Variants in CNBP observed in about 807,000 individuals in gnomAD.
The protein encoded by CNBP is cellular nucleic acid-binding protein.
In CNBP, 6 loss-of-function variants were observed where a neutral mutation model predicts 21.2. The ratio of observed to expected loss-of-function variants is 0.28; its 90% confidence interval spans 0.16 to 0.56. The LOEUF is 0.56. CNBP is among the 20% of genes least tolerant of loss of function. CNBP has a pLI of 0.93. For synonymous variants in CNBP, 61 were observed against 74.9 expected, an observed-to-expected ratio of 0.81 and a Z score of 0.96; for missense variants, 112 against 233.1, an observed-to-expected ratio of 0.48 and a Z score of 3.38.
chr3:129,173,093 G>A (rs1560035674), intron 1 of CNBP, among the ~76,000 whole-genome samples: 2 of 152,150 alleles, frequency 1.3e-5, no homozygotes, highest in African/African-American at 4.8e-5. Context: ...TGCATCCATG[G>A]CTTCAACCAA....
chr3:129,171,793 A>G, intron 1 of CNBP, 22 bp from the exon 2 acceptor site: 1 of 1,602,482 alleles, frequency 6.2e-7, no homozygotes, highest in African/African-American at 1.3e-5. Flanking sequence ...TAAAAGTAAC[A>G]GCATTAAACC....
intron 1 of CNBP, among the ~76,000 whole-genome samples, chr3:129,177,887 G>C (rs994980753): frequency 1.4e-4 from 21 of 152,120 alleles, no homozygotes; most frequent in Admixed American, 1.1e-3. Flanking sequence ...GGGCCGGGCG[G>C]GGTGGCCCAC....
intron 1 of CNBP, among the ~76,000 whole-genome samples, chr3:129,172,133 T>C (rs1202402056): frequency 6.6e-6 from 1 of 152,008 alleles, no homozygotes; most frequent in Non-Finnish European, 1.5e-5. Flanking sequence ...ATGGTGCCAC[T>C]GTACTCCAGC....
intron 1 of CNBP, among the ~76,000 whole-genome samples, chr3:129,172,564 A>T (rs1047982589): frequency 3.3e-5 from 5 of 149,918 alleles, no homozygotes; most frequent in African/African-American, 1.3e-4. Flanking sequence ...CCTAGGGGAC[A>T]AAGTGAGACA....
chr3:129,176,812 A>C (rs1937935860), intron 1 of CNBP, among the ~76,000 whole-genome samples: 1 of 152,194 alleles, frequency 6.6e-6, no homozygotes, highest in Non-Finnish European at 1.5e-5. Context: ...GGACATTCCC[A>C]ATGTAATTTT....
At position 129,171,129 on chromosome 3, in the gene CNBP, A is replaced by G; in HGVS notation, c.366T>C (p.Cys122=). Residue 122 remains cysteine (C), a synonymous_variant, in exon 4 of 5, where the codon TGT becomes TGC. Transcript: ENST00000422453. The part of the protein sequence containing the change: ...DHADEQKCYS[C]GEFGHIQKDC... The stretch of plus-strand genomic sequence containing the variant: ...CTTTTTGAATGTGTCCGAATTCTCC[A>G]CAAGAATAGCATTTCTGCTCATCTG... 1 of 1,614,202 alleles carries G rather than the reference A, an allele frequency of 6.2e-7. No homozygotes were observed. Among genetic ancestry groups the G allele is most frequent in the Non-Finnish European group, 8.5e-7 (1 of 1,180,040 alleles).
intron 1 of CNBP, among the ~76,000 whole-genome samples, chr3:129,175,426 G>A (rs941531510): frequency 6.0e-5 from 7 of 115,928 alleles, no homozygotes; most frequent in Non-Finnish European, 1.0e-4. Context: ...AGTTTTAGAT[G>A]TTTTGCTTTT....
chr3:129,175,921 G>A (rs1436727291), intron 1 of CNBP, among the ~76,000 whole-genome samples: 2 of 152,122 alleles, frequency 1.3e-5, no homozygotes, highest in African/African-American at 4.8e-5. Context: ...CCTCCCTTTG[G>A]CTAACCCTAT....
intron 1 of CNBP, among the ~76,000 whole-genome samples, chr3:129,173,976 T>G (rs1476041361): frequency 6.6e-6 from 1 of 152,186 alleles, no homozygotes; most frequent in African/African-American, 2.4e-5. Flanking sequence ...ATTTAGTGAC[T>G]TAAAATTACA....
In CNBP at chr3:129,171,621, T is replaced by C. The variant is rs1299173586; in HGVS notation, c.124+13A>G. Reference sequence around the variant, plus strand: ...TACTGAAGTACTTCAAATTTTTCTATTCGACAAAATACCTCTATCCGAGGT... The same window carrying C: ...TACTGAAGTACTTCAAATTTTTCTACTCGACAAAATACCTCTATCCGAGGT... On this transcript the variant is annotated intron_variant, in intron 2 of 4. Transcript: ENST00000422453. 6.2e-7 allele frequency: 1 copy of C among 1,614,078 alleles called. No homozygotes were observed. The highest frequency in any genetic ancestry group is 2.2e-5 in the East Asian group (1 of 44,890).
chr3:129,179,434 A>C (rs956396944), intron 1 of CNBP, among the ~76,000 whole-genome samples: 1 of 152,160 alleles, frequency 6.6e-6, no homozygotes, highest in Non-Finnish European at 1.5e-5. Flanking sequence ...ACCTTGGTTA[A>C]TTACATCCAT....
At chr3:129,179,337 C>T (rs1386503054) in intron 1 of CNBP, among the ~76,000 whole-genome samples, 1 of 152,106 alleles carries the variant, frequency 6.6e-6, no homozygotes, top group Non-Finnish European at 1.5e-5. Flanking sequence ...TCTGTATTAC[C>T]TGCATTCCAG....
At chr3:129,170,644 A>G (rs1937550822) in intron 4 of CNBP, 74 bp from the exon 5 acceptor site, 2 of 1,110,914 alleles carry the variant, frequency 1.8e-6, no homozygotes, top group Non-Finnish European at 2.8e-6. Flanking sequence ...GTCACCATGC[A>G]GAACAAAACG....
intron 4 of CNBP, 89 bp downstream of exon 4, chr3:129,170,990 A>G: frequency 2.2e-6 from 3 of 1,370,624 alleles, no homozygotes; most frequent in Admixed American, 2.1e-5. Flanking sequence ...GTTTCACTGA[A>G]TTTACTAAGG....
intron 1 of CNBP, among the ~76,000 whole-genome samples, chr3:129,179,970 C>G (rs551502378): frequency 4.6e-5 from 7 of 152,124 alleles, no homozygotes; most frequent in Non-Finnish European, 2.9e-5. Context: ...CCTGCCATTG[C>G]ACTCCCGCCT....
chr3:129,171,289 AG>A lies in CNBP; in HGVS notation c.218-13del. The A allele has an allele frequency of 1.2e-6, 2 of 1,614,148 alleles. No individual in the cohort carries two copies. The highest frequency in any genetic ancestry group is 1.7e-6 in the Non-Finnish European group (2 of 1,179,974). On this transcript the variant is annotated splice_polypyrimidine_tract_variant and intron_variant, in intron 3 of 4. Transcript: ENST00000422453. ...GCAGTTATAGCAGGCTTCAACAATA[AG>A]GAAAAGAAACAGGCCAAGACTATAA...
In CNBP at chr3:129,169,332, AAC is replaced by A. The variant is rs988891447; in HGVS notation, c.*1119_*1120del. Reference sequence around the variant, plus strand: ...ACCACCAAAAAACCTGTTCAGACTGAACACAGAACTCAAGGGCATTATTATAA... The same window carrying A: ...ACCACCAAAAAACCTGTTCAGACTGAACAGAACTCAAGGGCATTATTATAA... On this transcript the variant is annotated 3_prime_UTR_variant, in exon 5 of 5. Coordinates refer to ENST00000422453, the MANE Select transcript of CNBP (RefSeq NM_003418.5). 8.5e-5 allele frequency among the ~76,000 whole-genome samples: 13 copies of A among 152,196 alleles called. No homozygotes were observed. The highest frequency in any genetic ancestry group is 2.9e-4 in the African/African-American group (12 of 41,452).
intron 1 of CNBP, 27 bp from the exon 2 acceptor site, chr3:129,171,798 T>G (rs1937573790): frequency 6.3e-7 from 1 of 1,584,862 alleles, no homozygotes; most frequent in East Asian, 2.2e-5. Flanking sequence ...GTAACAGCAT[T>G]AAACCACTGA....
At chr3:129,172,584 G>C (rs551116088) in intron 1 of CNBP, among the ~76,000 whole-genome samples, 2 of 21,682 alleles carry the variant, frequency 9.2e-5, no homozygotes, top group East Asian at 5.0e-3. Flanking sequence ...AGACAGGCAG[G>C]CAGGCAGGCA....
Sources: gnomAD v4.1 joint callset for allele counts (sites outside exome capture counted in the v4.1 genomes callset) on GRCh38, gnomAD v4.1.1 for gene constraint, MANE v1.5 for transcripts, NCBI Gene and HGNC (gene_info 2026-07-23, HGNC 2026-07-21) for gene names.